Variants in EPHB1 observed in about 807,000 individuals in gnomAD.
EPHB1 encodes ephrin type-B receptor 1.
EPHB1 carries 30 observed loss-of-function variants against 94.4 expected under a neutral mutation model. The observed-to-expected ratio is 0.32, with a 90% CI of 0.24 to 0.43. The LOEUF (loss-of-function observed/expected upper bound fraction) is 0.43, where lower values mean the gene tolerates loss of function less well. Ranked by LOEUF, EPHB1 falls within the 20% of genes least tolerant of loss-of-function variation. EPHB1 has a pLI of 1.00. For synonymous variants in EPHB1, 522 were observed against 489.1 expected (o/e 1.07, Z -0.89); for missense variants, 1,055 against 1,308.3 (o/e 0.81, Z 2.99).
intron 12 of EPHB1, among the ~76,000 whole-genome samples, chr3:135,240,175 A>C (rs1012756437): frequency 6.6e-6 from 1 of 152,122 alleles, no homozygotes; most frequent in Admixed American, 6.6e-5. Flanking sequence ...GTTTTTAACA[A>C]TATATTTTAA....
intron 1 of EPHB1, among the ~76,000 whole-genome samples, chr3:134,854,298 G>C (rs553682186): frequency 6.6e-6 from 1 of 152,252 alleles, no homozygotes; most frequent in African/African-American, 2.4e-5. Flanking sequence ...TGATGATTTA[G>C]GGGCTGAGCC....
At chr3:134,983,425 T>C (rs1399999360) in intron 3 of EPHB1, among the ~76,000 whole-genome samples, 1 of 152,260 alleles carries the variant, frequency 6.6e-6, no homozygotes, top group East Asian at 1.9e-4. Context: ...ACCTCTTCAG[T>C]TCTCATCATG....
At chr3:134,860,609 T>C (rs1008402020) in intron 1 of EPHB1, among the ~76,000 whole-genome samples, 4 of 152,062 alleles carry the variant, frequency 2.6e-5, no homozygotes, top group South Asian at 2.1e-4. Context: ...TGTCAGGAGA[T>C]CAAGACCATC....
At chr3:135,191,601 T>C (rs756186060) in intron 10 of EPHB1, among the ~76,000 whole-genome samples, 9 of 152,016 alleles carry the variant, frequency 5.9e-5, no homozygotes, top group Admixed American at 3.9e-4. Flanking sequence ...AATTATAAAA[T>C]AACTTTTGAA....
At chr3:135,056,392 G>A (rs1384818109) in intron 3 of EPHB1, among the ~76,000 whole-genome samples, 2 of 152,246 alleles carry the variant, frequency 1.3e-5, no homozygotes, top group Non-Finnish European at 2.9e-5. Flanking sequence ...GCCGTGCTGG[G>A]CTCTCTTGGG....
chr3:134,946,939 A>G lies in EPHB1; in HGVS notation c.124-4432A>G, dbSNP rs150544570. On this transcript the variant is annotated intron_variant, in intron 2 of 15. Transcript: ENST00000398015. ...CCAGCCTCAGGTATTCCTTTATAGC[A>G]ACACAAAATGGACTCATACAGAGGG... Among the ~76,000 whole-genome samples the G allele has an allele frequency of 3.0e-4, 45 of 152,340 alleles. 1 individual carries two copies. In the East Asian group the frequency reaches 8.7e-3, roughly 29 times the overall value.
chr3:135,116,209 G>C (rs779908747), intron 4 of EPHB1, among the ~76,000 whole-genome samples: 1 of 152,304 alleles, frequency 6.6e-6, no homozygotes, highest in East Asian at 1.9e-4. Context: ...GCGAGACTCT[G>C]TCTCAAAACA....
chr3:134,998,693 G>A (rs371160162), intron 3 of EPHB1, among the ~76,000 whole-genome samples: 59 of 152,274 alleles, frequency 3.9e-4, no homozygotes, highest in Non-Finnish European at 5.3e-4. Flanking sequence ...AATATATTGC[G>A]TTAAATCATT....
chr3:135,129,434 A>G (rs1261040856), intron 4 of EPHB1, among the ~76,000 whole-genome samples: 1 of 152,166 alleles, frequency 6.6e-6, no homozygotes, highest in Non-Finnish European at 1.5e-5. Context: ...TACTGCTGCT[A>G]CTTCAAGGCC....
At chr3:135,039,333 C>G (rs986150967) in intron 3 of EPHB1, among the ~76,000 whole-genome samples, 3 of 152,200 alleles carry the variant, frequency 2.0e-5, no homozygotes, top group Non-Finnish European at 4.4e-5. Flanking sequence ...TCTCCACGTC[C>G]CCACCAGACT....
At chr3:135,246,804 T>C (rs906302169) in intron 13 of EPHB1, among the ~76,000 whole-genome samples, 4 of 152,194 alleles carry the variant, frequency 2.6e-5, no homozygotes, top group Non-Finnish European at 5.9e-5. Context: ...AAAATTGATG[T>C]GGTTTGTATG....
chr3:134,961,844 T>C (rs1933533031), intron 3 of EPHB1, among the ~76,000 whole-genome samples: 1 of 152,368 alleles, frequency 6.6e-6, no homozygotes, highest in South Asian at 2.1e-4. Flanking sequence ...TTCTGAACAA[T>C]GTTGCAACAG....
intron 1 of EPHB1, among the ~76,000 whole-genome samples, chr3:134,912,640 C>T (rs2038478271): frequency 6.6e-6 from 1 of 152,180 alleles, no homozygotes. Flanking sequence ...GCCTACAGGT[C>T]TGATTAAATG....
chr3:135,129,936 G>A (rs1940360243), intron 4 of EPHB1, among the ~76,000 whole-genome samples: 1 of 151,664 alleles, frequency 6.6e-6, no homozygotes, highest in African/African-American at 2.4e-5. Context: ...GAGGGGTGAA[G>A]GTCAACTGCC....
chr3:135,120,908 T>G (rs1038634967), intron 4 of EPHB1, among the ~76,000 whole-genome samples: 6 of 152,172 alleles, frequency 3.9e-5, no homozygotes, highest in South Asian at 2.1e-4. Context: ...TGATGGACTG[T>G]GGAGATGCAG....
intron 1 of EPHB1, among the ~76,000 whole-genome samples, chr3:134,883,965 AGGT>A (rs1226756757): frequency 6.6e-6 from 1 of 152,156 alleles, no homozygotes; most frequent in Admixed American, 6.5e-5. Context: ...CCAGTTTAGG[AGGT>A]GAAGAAATGC....
chr3:135,043,271 A>G (rs1936905959), intron 3 of EPHB1, among the ~76,000 whole-genome samples: 1 of 147,644 alleles, frequency 6.8e-6, no homozygotes, highest in Non-Finnish European at 1.5e-5. Context: ...AATAATAATA[A>G]TAATAGTAAT....
intron 5 of EPHB1, among the ~76,000 whole-genome samples, chr3:135,137,464 G>T (rs914367607): frequency 6.6e-6 from 1 of 152,182 alleles, no homozygotes; most frequent in African/African-American, 2.4e-5. Flanking sequence ...GGGTGAATCT[G>T]ATTAACCCAA....
At chr3:134,827,670 A>G (rs2036508621) in intron 1 of EPHB1, among the ~76,000 whole-genome samples, 1 of 152,210 alleles carries the variant, frequency 6.6e-6, no homozygotes, top group Non-Finnish European at 1.5e-5. Flanking sequence ...ACCAGTCAAC[A>G]TGTGTAGGGG....
Sources: allele counts gnomAD v4.1 joint callset (sites outside exome capture counted in the v4.1 genomes callset), GRCh38; gene constraint gnomAD v4.1.1; transcripts MANE v1.5; gene names NCBI Gene and HGNC (gene_info 2026-07-23, HGNC 2026-07-21).